Variants in ARSK observed in about 807,000 individuals in gnomAD.
ARSK encodes the protein arylsulfatase K.
A neutral mutation model predicts 53.2 loss-of-function variants in ARSK; 37 were observed. That is an observed-to-expected ratio of 0.70 (90% CI 0.54 to 0.92). The LOEUF is 0.92. Ranked by LOEUF, ARSK falls within the 40% of genes least tolerant of loss-of-function variation. The pLI is 0.00. For missense variants in ARSK, 613 were observed against 643.0 expected (o/e 0.95, Z 0.51); for synonymous variants, 208 against 223.2 (o/e 0.93, Z 0.61).
intron 6 of ARSK, among the ~76,000 whole-genome samples, chr5:95,592,588 A>T (rs1019343520): frequency 3.3e-5 from 5 of 151,708 alleles, no homozygotes; most frequent in African/African-American, 1.2e-4. Context: ...TCGCTTTTTC[A>T]CCCAGGCTGG....
intron 5 of ARSK, among the ~76,000 whole-genome samples, chr5:95,589,778 C>T (rs1382509455): frequency 1.3e-5 from 2 of 152,132 alleles, no homozygotes; most frequent in South Asian, 2.1e-4. Context: ...ATGTATATTC[C>T]TTTGGGTATA....
chr5:95,602,006 G>A (rs1288360734), intron 7 of ARSK, among the ~76,000 whole-genome samples: 3 of 151,926 alleles, frequency 2.0e-5, no homozygotes, highest in Non-Finnish European at 4.4e-5. Flanking sequence ...CTGGCAGTAG[G>A]TGCCCCATAA....
intron 4 of ARSK, among the ~76,000 whole-genome samples, chr5:95,584,520 A>G (rs190440773): frequency 6.6e-6 from 1 of 152,314 alleles, no homozygotes; most frequent in East Asian, 1.9e-4. Flanking sequence ...GTAATATTAA[A>G]TCAATTTTAA....
chr5:95,563,381 A>G (rs1428549514), intron 1 of ARSK, among the ~76,000 whole-genome samples: 1 of 152,164 alleles, frequency 6.6e-6, no homozygotes, highest in Non-Finnish European at 1.5e-5. Context: ...TGGATTAGAG[A>G]TTCATTTCAT....
chr5:95,561,297 G>A (rs1284982181), intron 1 of ARSK, among the ~76,000 whole-genome samples: 1 of 152,194 alleles, frequency 6.6e-6, no homozygotes. Context: ...TGGAGGAATT[G>A]CAACCCATAC....
At chr5:95,566,506 A>G (rs1181785687) in intron 2 of ARSK, among the ~76,000 whole-genome samples, 2 of 152,192 alleles carry the variant, frequency 1.3e-5, no homozygotes. Context: ...TGAACATTAG[A>G]GTATACCATA....
At chr5:95,593,302 G>GT (rs1561368957) in intron 6 of ARSK, among the ~76,000 whole-genome samples, 1 of 151,904 alleles carries the variant, frequency 6.6e-6, no homozygotes, top group African/African-American at 2.4e-5. Context: ...TTCTTTCTCC[G>GT]TTTTTCCCTC....
chr5:95,571,343 T>C (rs1748828347), intron 3 of ARSK, among the ~76,000 whole-genome samples: 2 of 152,330 alleles, frequency 1.3e-5, no homozygotes, highest in African/African-American at 4.8e-5. Context: ...TTATCTCTTC[T>C]TCTCTGCTTT....
intron 1 of ARSK, among the ~76,000 whole-genome samples, chr5:95,562,408 A>T (rs367548532): frequency 2.6e-5 from 4 of 152,100 alleles, no homozygotes; most frequent in African/African-American, 7.2e-5. Flanking sequence ...AGTGTTTACT[A>T]GAGAGTCTAG....
At chr5:95,595,921 C>T (rs1749301116) in intron 6 of ARSK, among the ~76,000 whole-genome samples, 1 of 152,158 alleles carries the variant, frequency 6.6e-6, no homozygotes, top group Non-Finnish European at 1.5e-5. Context: ...TAAAACTGTA[C>T]AAATTGATGT....
chr5:95,562,848 T>A (rs1338881551), intron 1 of ARSK, among the ~76,000 whole-genome samples: 1 of 152,256 alleles, frequency 6.6e-6, no homozygotes, highest in Non-Finnish European at 1.5e-5. Flanking sequence ...TGAAATGGGC[T>A]ATTAGTAAGT....
chr5:95,562,716 G>C (rs564065120), intron 1 of ARSK, among the ~76,000 whole-genome samples: 1 of 152,326 alleles, frequency 6.6e-6, no homozygotes, highest in Non-Finnish European at 1.5e-5. Context: ...AGCAACTAAA[G>C]GCAGTTGGTA....
intron 7 of ARSK, among the ~76,000 whole-genome samples, chr5:95,601,338 T>C (rs552346602): frequency 6.6e-6 from 1 of 152,318 alleles, no homozygotes; most frequent in African/African-American, 2.4e-5. Context: ...TCAGTACTCA[T>C]GGTTATCTTT....
chr5:95,560,516 G>T (rs1273957723), intron 1 of ARSK, among the ~76,000 whole-genome samples: 1 of 151,958 alleles, frequency 6.6e-6, no homozygotes, highest in African/African-American at 2.4e-5. Flanking sequence ...AATGGAATAG[G>T]ATCTAAAGTC....
chr5:95,595,673 A>AGG (rs1749297127), intron 6 of ARSK, among the ~76,000 whole-genome samples: 1 of 140,492 alleles, frequency 7.1e-6, no homozygotes, highest in African/African-American at 2.5e-5. Context: ...ACTAGAAGGG[A>AGG]GAGGGAGGGA....
At position 95,576,433 on chromosome 5, in the gene ARSK, G is replaced by A. The variant is rs953999379; in HGVS notation, c.417-6483G>A. 4.0e-5 allele frequency among the ~76,000 whole-genome samples: 6 copies of A among 151,486 alleles called. No homozygotes were observed. The East Asian group carries it at 5.9e-4, about 15-fold the overall frequency. ...AGGATGGTCTTGATCTCCTGACCTC[G>A]TGATCCGCCCGCCTCGGCCTCCCAA... is the stretch of plus-strand genomic sequence containing the variant. On this transcript the variant is annotated intron_variant, in intron 3 of 7. Transcript: ENST00000380009.
chr5:95,584,232 A>G (rs1342785263), intron 4 of ARSK, among the ~76,000 whole-genome samples: 1 of 152,238 alleles, frequency 6.6e-6, no homozygotes, highest in Non-Finnish European at 1.5e-5. Context: ...CATGTACCAG[A>G]TAACTAATCA....
chr5:95,555,405 G>GT lies in ARSK; in HGVS notation c.126+2dup. 1.2e-6 allele frequency: 2 copies of GT among 1,602,186 alleles called. No individual in the cohort carries two copies. Among genetic ancestry groups the GT allele is most frequent in the East Asian group, 4.5e-5 (2 of 44,364 alleles). On this transcript the variant is annotated splice_donor_variant, in intron 1 of 7. Transcript: ENST00000380009. LOFTEE classifies it high-confidence loss of function. This position sits in a 1 kb window ranked among gnomAD's most constrained non-coding sequence, Gnocchi z 4.0. ...GGTGCTGGTCGTGAGCGACTCCTTCGTAAGTACCGCGAGGCAGGGGAGGGG... is the reference window on the plus strand; with the variant it reads ...GGTGCTGGTCGTGAGCGACTCCTTCGTTAAGTACCGCGAGGCAGGGGAGGGG...
chr5:95,576,484 A>G (rs981632305), intron 3 of ARSK, among the ~76,000 whole-genome samples: 9 of 151,960 alleles, frequency 5.9e-5, no homozygotes, highest in South Asian at 2.1e-4. Flanking sequence ...GGTGTGAGCC[A>G]TTGTGCCCAG....
Sources: allele counts gnomAD v4.1 joint callset (sites outside exome capture counted in the v4.1 genomes callset), GRCh38; gene constraint gnomAD v4.1.1; non-coding constraint Gnocchi (gnomAD v3.1); transcripts MANE v1.5; gene names NCBI Gene and HGNC (gene_info 2026-07-23, HGNC 2026-07-21).